Variants in NOP53 observed in about 807,000 individuals in gnomAD.
NOP53 encodes the protein NOP53 ribosome biogenesis factor, also known as ribosome biogenesis protein NOP53.
A neutral mutation model predicts 61.0 loss-of-function variants in NOP53; 40 were observed. The observed-to-expected ratio is 0.66, with a 90% CI of 0.51 to 0.85. NOP53 has a LOEUF of 0.85. NOP53 is among the 40% of genes least tolerant of loss of function. The pLI is 0.00. For synonymous variants in NOP53, 308 were observed against 289.5 expected, an observed-to-expected ratio of 1.06 and a Z score of -0.65; for missense variants, 689 against 652.9, an observed-to-expected ratio of 1.06 and a Z score of -0.60.
At chr19:47,755,128 G>C (rs868761192) in intron 8 of NOP53, among the ~76,000 whole-genome samples, 53 of 151,914 alleles carry the variant, frequency 3.5e-4, no homozygotes, top group South Asian at 6.2e-4. Flanking sequence ...GGGGCGGGGT[G>C]GGGGGAGGTT....
Position 47,745,749 on chromosome 19 carries a change from C to T in NOP53, c.190C>T (p.Leu64=), listed in dbSNP as rs771024119. Reference sequence around the variant, plus strand: ...GCTGGGGCTGGAGGTTGACCAGTTCCTGGAAGACGTGCGGCTACAGGAGCG... The same window carrying T: ...GCTGGGGCTGGAGGTTGACCAGTTCTTGGAAGACGTGCGGCTACAGGAGCG... ...EPLGLEVDQF[L]EDVRLQERTS... is the part of the protein sequence containing the mutation. The change falls in exon 1 of 13, where the codon CTG becomes TTG. Residue 64 remains leucine (L), a synonymous_variant. Coordinates refer to ENST00000246802, the MANE Select transcript of NOP53 (RefSeq NM_015710.5). 9.4e-6 allele frequency: 15 copies of T among 1,594,300 alleles called. No individual in the cohort carries two copies. The highest frequency in any genetic ancestry group is 8.9e-5 in the South Asian group (8 of 89,766).
chr19:47,751,891 C>T (rs546322513), intron 5 of NOP53, among the ~76,000 whole-genome samples: 4 of 152,108 alleles, frequency 2.6e-5, no homozygotes, highest in East Asian at 1.9e-4. Flanking sequence ...CACCTGAGGT[C>T]GGGAGTTTGA....
At chr19:47,752,724 G>C (rs553321874) in intron 6 of NOP53, 117 bp downstream of exon 6, 1 of 680,884 alleles carries the variant, frequency 1.5e-6, no homozygotes. Context: ...GGGCCTGTCC[G>C]CAACGGGGCT....
intron 5 of NOP53, 59 bp from the exon 6 acceptor site, chr19:47,752,453 C>T: frequency 3.7e-6 from 4 of 1,071,980 alleles, no homozygotes; most frequent in African/African-American, 1.5e-5. Flanking sequence ...ATGGCTGTGT[C>T]CTGGGTCACC....
At chr19:47,748,709 G>C (rs1349587594) in intron 2 of NOP53, among the ~76,000 whole-genome samples, 1 of 151,950 alleles carries the variant, frequency 6.6e-6, no homozygotes, top group Non-Finnish European at 1.5e-5. Flanking sequence ...AGCCTGGGCA[G>C]CATGGCGAAA....
chr19:47,751,678 A>G (rs1967126622), intron 5 of NOP53, 88 bp downstream of exon 5: 1 of 1,035,314 alleles, frequency 9.7e-7, no homozygotes, highest in Non-Finnish European at 1.5e-6. Flanking sequence ...AGTCTGTCTC[A>G]GAGCCCTTCC....
At chr19:47,752,783 G>T in intron 6 of NOP53, 176 bp downstream of exon 6, 6 of 550,810 alleles carry the variant, frequency 1.1e-5, no homozygotes, top group Non-Finnish European at 2.0e-5. Flanking sequence ...GGGCAGAGTG[G>T]TTGGGGCTGG....
At chr19:47,747,549 G>A (rs1009243531) in intron 2 of NOP53, among the ~76,000 whole-genome samples, 8 of 151,910 alleles carry the variant, frequency 5.3e-5, no homozygotes, top group African/African-American at 1.7e-4. Flanking sequence ...GGCTGAGGCA[G>A]GAGAATCACT....
chr19:47,756,267 G>T, intron 10 of NOP53: 2 of 566,836 alleles, frequency 3.5e-6, no homozygotes, highest in Non-Finnish European at 3.2e-6. Flanking sequence ...TCCAGCCTTT[G>T]CCCTCGCTGT....
In NOP53 at chr19:47,751,005, C is replaced by G; in HGVS notation, c.496C>G (p.Arg166Gly). Reference sequence around the variant, plus strand: ...GCAGGGCGAGCTGCCCCGGGAGGTGCGCAGGGCCCAGGCCCGGCTCCTCAA... The same window carrying G: ...GCAGGGCGAGCTGCCCCGGGAGGTGGGCAGGGCCCAGGCCCGGCTCCTCAA... Reference protein sequence around the residue: ...AKQGELPREVRRAQARLLNPS... With the variant: ...AKQGELPREVGRAQARLLNPS... The change falls in exon 4 of 13, where the codon CGC becomes GGC. Residue 166 changes from arginine (R) to glycine (G), a missense_variant. By Grantham distance (125) the Arg-to-Gly change is moderately radical. Transcript: ENST00000246802. 1 of 1,596,296 alleles carries G rather than the reference C, an allele frequency of 6.3e-7. No homozygotes were observed. The highest frequency in any genetic ancestry group is 8.5e-7 in the Non-Finnish European group (1 of 1,172,530).
chr19:47,755,879 C>T (rs1408860498), intron 10 of NOP53, 57 bp downstream of exon 10: 2 of 1,437,728 alleles, frequency 1.4e-6, no homozygotes, highest in African/African-American at 1.4e-5. Context: ...CATCCTTGCT[C>T]CCCGTGCCCC....
In NOP53 at chr19:47,754,088, A is replaced by T. The variant is rs1368847158; in HGVS notation, c.766-439A>T. ...AGGTCAGGAGTTCAAGACCAGCCTG[A>T]CCAACATGGAGAAACCCCATCTCTA... On this transcript the variant is annotated intron_variant, in intron 6 of 12. Coordinates refer to ENST00000246802, the MANE Select transcript of NOP53 (RefSeq NM_015710.5). The surrounding 1 kb of genome is among the most constrained non-coding windows in gnomAD (Gnocchi z 4.2). The T allele has an allele frequency of 6.3e-6, 1 of 159,582 alleles. No individual in the cohort carries two copies. Among genetic ancestry groups the T allele is most frequent in the African/African-American group, 2.4e-5 (1 of 41,496 alleles). The allele number at this position is 159,582 out of a possible 1,614,324, so 9.9% of individuals were successfully genotyped here.
intron 1 of NOP53, chr19:47,746,729 C>T (rs1306581957): frequency 5.0e-6 from 2 of 398,908 alleles, no homozygotes; most frequent in Non-Finnish European, 9.1e-6. Flanking sequence ...TCTTGAACTC[C>T]TGACCTCAGG....
chr19:47,755,458 G>T lies in NOP53; in HGVS notation c.1164G>T (p.Arg388=). The T allele has an allele frequency of 6.6e-7, 1 of 1,507,582 alleles. No homozygotes were observed. Among genetic ancestry groups the T allele is most frequent in the Non-Finnish European group, 8.8e-7 (1 of 1,131,806 alleles). 93.4% of individuals were successfully genotyped at this position (1,507,582 alleles called of 1,614,324 possible). A position where few individuals can be genotyped will look rare whatever the true frequency, so the allele number is the denominator to read the frequency against. ...TGAGGCTGGCGGAGCTGGCGCGGCG[G>T]CAGAGGCGGCGGCAGGCGCGGCGGG... The part of the protein sequence containing the change: ...VALRLAELAR[R]QRRRQARREA... Residue 388 remains arginine, a synonymous_variant, in exon 9 of 13, where the codon CGG becomes CGT. Coordinates refer to ENST00000246802, the MANE Select transcript of NOP53 (RefSeq NM_015710.5).
intron 6 of NOP53, chr19:47,752,907 A>T (rs528993747): frequency 1.6e-5 from 6 of 371,862 alleles, no homozygotes; most frequent in African/African-American, 1.2e-4. Flanking sequence ...GGAGGAGGGG[A>T]GTGGGTTTTC....
chr19:47,752,806 G>A (rs1207440364), intron 6 of NOP53, 199 bp downstream of exon 6: 2 of 538,286 alleles, frequency 3.7e-6, no homozygotes, highest in African/African-American at 3.8e-5. Context: ...GCCCAGACGG[G>A]GCACCTGGCC....
At position 47,751,033 on chromosome 19, in the gene NOP53, C is replaced by T; in HGVS notation, c.524C>T (p.Pro175Leu). The change falls in exon 4 of 13, where the codon CCT (proline) becomes CTT (leucine). Residue 175 changes from proline to leucine, a missense_variant. Coordinates refer to ENST00000246802, the MANE Select transcript of NOP53 (RefSeq NM_015710.5). ...VRRAQARLLNPSATRAKPGPQ... is the reference protein window; with the variant it reads ...VRRAQARLLNLSATRAKPGPQ... ...AGGGCCCAGGCCCGGCTCCTCAACCCTTCTGCAACAAGGGCCAAGCCCGGG... is the reference window on the plus strand; with the variant it reads ...AGGGCCCAGGCCCGGCTCCTCAACCTTTCTGCAACAAGGGCCAAGCCCGGG... 4 of 1,605,960 alleles carry T rather than the reference C, an allele frequency of 2.5e-6. No individual in the cohort carries two copies. The highest frequency in any genetic ancestry group is 2.2e-5 in the South Asian group (2 of 89,276).
chr19:47,755,889 C>T (rs756020008), intron 10 of NOP53, 67 bp downstream of exon 10: 3 of 1,382,958 alleles, frequency 2.2e-6, no homozygotes, highest in Non-Finnish European at 2.0e-6. Flanking sequence ...CCCCGTGCCC[C>T]CCAGGGGCTA....
intron 1 of NOP53, 139 bp from the exon 2 acceptor site, chr19:47,746,827 TA>T: frequency 1.5e-6 from 1 of 673,372 alleles, no homozygotes; most frequent in Non-Finnish European, 2.6e-6. Flanking sequence ...CTAAGTTCTG[TA>T]AACTGCTGGG....
Sources: allele counts gnomAD v4.1 joint callset (sites outside exome capture counted in the v4.1 genomes callset), GRCh38; gene constraint gnomAD v4.1.1; non-coding constraint Gnocchi (gnomAD v3.1); transcripts MANE v1.5; gene names NCBI Gene and HGNC (gene_info 2026-07-23, HGNC 2026-07-21).